SYTL1: variants seen among roughly 807,000 people sequenced by gnomAD.
SYTL1 encodes synaptotagmin-like protein 1.
SYTL1 carries 53 observed loss-of-function variants against 74.6 expected under a neutral mutation model. That is an observed-to-expected ratio of 0.71 (90% CI 0.57 to 0.89). The LOEUF is 0.89. Among genes scored for constraint, SYTL1 ranks in the 40% least tolerant of loss-of-function variants. SYTL1 has a pLI of 0.00. For missense variants in SYTL1, 728 were observed against 768.7 expected (o/e 0.95, Z 0.63); for synonymous variants, 329 against 324.9 (o/e 1.01, Z -0.14).
Position 27,347,339 on chromosome 1 carries a change from G to GGCCCCTT in SYTL1, c.192-81_192-80insCCCCTTG. On this transcript the variant is annotated intron_variant, in intron 2 of 14. Coordinates refer to ENST00000616558, the MANE Select transcript of SYTL1 (RefSeq NM_001193308.2). This position sits in a 1 kb window ranked among gnomAD's most constrained non-coding sequence, Gnocchi z 4.9. ...ATTTGCTGTTGGGTCCCTGGCCCCTGGTCCCAAGCCTGTTAACAATGTAGG... is the reference window on the plus strand; with the variant it reads ...ATTTGCTGTTGGGTCCCTGGCCCCTGGCCCCTTGTCCCAAGCCTGTTAACAATGTAGG... 6.3e-7 allele frequency: 1 copy of GGCCCCTT among 1,589,568 alleles called. No homozygotes were observed. Among genetic ancestry groups the GGCCCCTT allele is most frequent in the South Asian group, 1.1e-5 (1 of 89,326 alleles).
rs1023434369 is a variant in SYTL1, at chr1:27,350,301, G to A, written c.909-88G>A. 2.9e-5 allele frequency: 43 copies of A among 1,494,654 alleles called. No homozygotes were observed. Among genetic ancestry groups the A allele is most frequent in the Non-Finnish European group, 3.9e-5 (42 of 1,071,492 alleles). 92.6% of individuals were successfully genotyped at this position (1,494,654 alleles called of 1,614,324 possible). On this transcript the variant is annotated intron_variant, in intron 9 of 14. Transcript: ENST00000616558. The surrounding 1 kb of genome is among the most constrained non-coding windows in gnomAD (Gnocchi z 6.3). ...AAGCGCTTAGCACGAGGCCTGGCAC[G>A]TGTTCGGGATGGTGGCTGGGGGAGC...
In SYTL1 at chr1:27,348,994, G is replaced by A. The variant is rs2015118760; in HGVS notation, c.460-86G>A. On this transcript the variant is annotated intron_variant, in intron 5 of 14. Coordinates refer to ENST00000616558, the MANE Select transcript of SYTL1 (RefSeq NM_001193308.2). This position sits in a 1 kb window ranked among gnomAD's most constrained non-coding sequence, Gnocchi z 4.1. ...CCTGAAACTGGGGTAGCTGGCTGGA[G>A]CCCTATGACCTCTGACCCCAATATG... is the stretch of plus-strand genomic sequence containing the variant. The A allele has an allele frequency of 3.8e-6, 4 of 1,049,314 alleles. No individual in the cohort carries two copies. The Admixed American group carries it at 9.0e-5, about 24-fold the overall frequency. 65.0% of individuals were successfully genotyped at this position (1,049,314 alleles called of 1,614,324 possible).
rs1026405934 is a variant in SYTL1, at chr1:27,347,657, C to T, written c.340+88C>T. On this transcript the variant is annotated intron_variant, in intron 3 of 14. Coordinates refer to ENST00000616558, the MANE Select transcript of SYTL1 (RefSeq NM_001193308.2). The surrounding 1 kb of genome is among the most constrained non-coding windows in gnomAD (Gnocchi z 4.9). ...ACAGGGAGAGAGGACCACTAGGGCTCCAGTCCTGGCTGCCCCCAGTACTGT... is the reference window on the plus strand; with the variant it reads ...ACAGGGAGAGAGGACCACTAGGGCTTCAGTCCTGGCTGCCCCCAGTACTGT... 1 of 1,553,342 alleles carries T rather than the reference C, an allele frequency of 6.4e-7. No individual in the cohort carries two copies. The highest frequency in any genetic ancestry group is 8.7e-7 in the Non-Finnish European group (1 of 1,143,732).
At position 27,353,287 on chromosome 1, in the gene SYTL1, G is replaced by T; in HGVS notation, c.1348G>T (p.Val450Leu). 1 of 1,589,964 alleles carries T rather than the reference G, an allele frequency of 6.3e-7. No individual in the cohort carries two copies. The highest frequency in any genetic ancestry group is 8.6e-7 in the Non-Finnish European group (1 of 1,168,554). Residue 450 changes from valine to leucine, a missense_variant, in exon 14 of 15, where the codon GTG (valine) becomes TTG (leucine). Physicochemically the swap from Val to Leu is conservative, Grantham distance 32 (BLOSUM62 1). Coordinates refer to ENST00000616558, the MANE Select transcript of SYTL1 (RefSeq NM_001193308.2). ...GSLDTYVQCF[V>L]LPDDSQASRQ... ...GCCAGGCCACCTCCCGCACAGCTTC[G>T]TGCTGCCTGATGACAGCCAGGCCAG...
Position 27,349,962 on chromosome 1 carries a change from C to A in SYTL1, c.748-10C>A. On this transcript the variant is annotated splice_polypyrimidine_tract_variant and intron_variant, in intron 8 of 14. Transcript: ENST00000616558. ...GAGCGGCCCTGACTCCCACCCACTC[C>A]CGTCCGCAGCTGAGCGGCAGCCAGA... 1.3e-6 allele frequency: 2 copies of A among 1,571,614 alleles called. No homozygotes were observed. The highest frequency in any genetic ancestry group is 2.3e-5 in the East Asian group (1 of 42,596).
In SYTL1 at chr1:27,350,758, A is replaced by G; in HGVS notation, c.1006-36A>G. 1 of 1,606,314 alleles carries G rather than the reference A, an allele frequency of 6.2e-7. No individual in the cohort carries two copies. The highest frequency in any genetic ancestry group is 8.5e-7 in the Non-Finnish European group (1 of 1,174,340). On this transcript the variant is annotated intron_variant, in intron 10 of 14. Transcript: ENST00000616558. This position sits in a 1 kb window ranked among gnomAD's most constrained non-coding sequence, Gnocchi z 6.3. ...TCGCGCAGCATCTACGCGGGCCACC[A>G]GCAGTGCTCCACTAAAGCTCACCTC... is the stretch of plus-strand genomic sequence containing the variant.
chr1:27,347,521 G>C lies in SYTL1; in HGVS notation c.292G>C (p.Gly98Arg), dbSNP rs776634273. The C allele has an allele frequency of 4.3e-6, 7 of 1,613,950 alleles. No individual in the cohort carries two copies. Among genetic ancestry groups the C allele is most frequent in the African/African-American group, 2.7e-5 (2 of 74,930 alleles). ...CCAGCGGCACCACAATGCCCACTTC[G>C]GCTCTGACCTTGTCCGAGCGTCTAT... ...RSQRHHNAHF[G>R]SDLVRASMRR... The change falls in exon 3 of 15, where the codon GGC becomes CGC. Residue 98 changes from glycine (G) to arginine (R), a missense_variant. Coordinates refer to ENST00000616558, the MANE Select transcript of SYTL1 (RefSeq NM_001193308.2). The surrounding 1 kb of genome is among the most constrained non-coding windows in gnomAD (Gnocchi z 4.9).
rs1440855914 is a variant in SYTL1, at chr1:27,350,957, G to A, written c.1164+5G>A. ...TGGCTCCCCCTGCAGCCCCGGGTGA[G>A]GCAGCCAGGCCGCGTGGGGAGACCT... On this transcript the variant is annotated splice_donor_5th_base_variant and intron_variant, in intron 11 of 14. Coordinates refer to ENST00000616558, the MANE Select transcript of SYTL1 (RefSeq NM_001193308.2). This position sits in a 1 kb window ranked among gnomAD's most constrained non-coding sequence, Gnocchi z 6.3. 4 of 1,612,542 alleles carry A rather than the reference G, an allele frequency of 2.5e-6. No individual in the cohort carries two copies. In the African/African-American group the frequency reaches 5.3e-5, roughly 22 times the overall value.
chr1:27,350,218 C>A lies in SYTL1; in HGVS notation c.908+86C>A. The A allele has an allele frequency of 6.7e-7, 1 of 1,483,694 alleles. No homozygotes were observed. Among genetic ancestry groups the A allele is most frequent in the Non-Finnish European group, 9.1e-7 (1 of 1,096,168 alleles). The allele number at this position is 1,483,694 out of a possible 1,614,324, so 91.9% of individuals were successfully genotyped here. On this transcript the variant is annotated intron_variant, in intron 9 of 14. Coordinates refer to ENST00000616558, the MANE Select transcript of SYTL1 (RefSeq NM_001193308.2). This position sits in a 1 kb window ranked among gnomAD's most constrained non-coding sequence, Gnocchi z 6.3. Reference sequence around the variant, plus strand: ...GTCTCGGCCTCCTCGTCCTCATCTTCAAAATGGGAACAACAGCGTTATTGG... The same window carrying A: ...GTCTCGGCCTCCTCGTCCTCATCTTAAAAATGGGAACAACAGCGTTATTGG...
Position 27,351,059 on chromosome 1 carries a change from C to A in SYTL1, c.1164+107C>A. 1 of 1,417,946 alleles carries A rather than the reference C, an allele frequency of 7.1e-7. No homozygotes were observed. The highest frequency in any genetic ancestry group is 1.3e-5 in the South Asian group (1 of 79,260). The allele number at this position is 1,417,946 out of a possible 1,614,324, so 87.8% of individuals were successfully genotyped here. On this transcript the variant is annotated intron_variant, in intron 11 of 14. Coordinates refer to ENST00000616558, the MANE Select transcript of SYTL1 (RefSeq NM_001193308.2). This position sits in a 1 kb window ranked among gnomAD's most constrained non-coding sequence, Gnocchi z 5.0. Reference sequence around the variant, plus strand: ...ACACCCCGCCTTCGACAGAACCTCCCCTCAACCTCTTAACCTCATGGCCCC... The same window carrying A: ...ACACCCCGCCTTCGACAGAACCTCCACTCAACCTCTTAACCTCATGGCCCC...
chr1:27,348,398 GCCC>G lies in SYTL1; in HGVS notation c.459+390_459+392del, dbSNP rs1226200625. On this transcript the variant is annotated intron_variant, in intron 5 of 14. Coordinates refer to ENST00000616558, the MANE Select transcript of SYTL1 (RefSeq NM_001193308.2). This position sits in a 1 kb window ranked among gnomAD's most constrained non-coding sequence, Gnocchi z 4.1. Reference sequence around the variant, plus strand: ...ACCAGCCTGGGCAACATAGCAAAATGCCCCCCATGTCTATAAAAAATAAATAAA... The same window carrying G: ...ACCAGCCTGGGCAACATAGCAAAATGCCCATGTCTATAAAAAATAAATAAA... 6.6e-6 allele frequency among the ~76,000 whole-genome samples: 1 copy of G among 151,122 alleles called. No individual in the cohort carries two copies. Among genetic ancestry groups the G allele is most frequent in the East Asian group, 1.9e-4 (1 of 5,160 alleles).
rs773965305 is a variant in SYTL1, at chr1:27,350,443, G to T, written c.963G>T (p.Val321=). The change falls in exon 10 of 15, where the codon GTG becomes GTT. Residue 321 remains valine, a synonymous_variant. Coordinates refer to ENST00000616558, the MANE Select transcript of SYTL1 (RefSeq NM_001193308.2). The surrounding 1 kb of genome is among the most constrained non-coding windows in gnomAD (Gnocchi z 6.3). ...AGCAGAGCAAGCGCAAGACGGCGGT[G>T]AAGAAACGGAATCTGAATCCGGTTT... is the stretch of plus-strand genomic sequence containing the variant. ...PDKQSKRKTA[V]KKRNLNPVFN... 1 of 1,614,074 alleles carries T rather than the reference G, an allele frequency of 6.2e-7. No homozygotes were observed. Among genetic ancestry groups the T allele is most frequent in the East Asian group, 2.2e-5 (1 of 44,856 alleles).
chr1:27,350,135 G>A lies in SYTL1; in HGVS notation c.908+3G>A. 7.2e-7 allele frequency: 1 copy of A among 1,396,560 alleles called. No homozygotes were observed. The highest frequency in any genetic ancestry group is 1.6e-5 in the South Asian group (1 of 61,570). 86.5% of individuals were successfully genotyped at this position (1,396,560 alleles called of 1,614,324 possible). On this transcript the variant is annotated splice_donor_region_variant and intron_variant, in intron 9 of 14. Transcript: ENST00000616558. The surrounding 1 kb of genome is among the most constrained non-coding windows in gnomAD (Gnocchi z 6.3). Reference sequence around the variant, plus strand: ...GCCCGGCGCCGCCGCTCGGACCCGTGAGTGCCCCGCCGGCCAAGCGGGGCG... The same window carrying A: ...GCCCGGCGCCGCCGCTCGGACCCGTAAGTGCCCCGCCGGCCAAGCGGGGCG...
Position 27,347,284 on chromosome 1 carries a change from C to A in SYTL1, c.192-137C>A. On this transcript the variant is annotated intron_variant, in intron 2 of 14. Coordinates refer to ENST00000616558, the MANE Select transcript of SYTL1 (RefSeq NM_001193308.2). The surrounding 1 kb of genome is among the most constrained non-coding windows in gnomAD (Gnocchi z 4.9). ...TCTGGACTTGGTCTCCCCAGCAGCC[C>A]GAGCTCCTCCACAGCACAGATCAAG... is the stretch of plus-strand genomic sequence containing the variant. 9.0e-7 allele frequency: 1 copy of A among 1,113,406 alleles called. No individual in the cohort carries two copies. 69.0% of individuals were successfully genotyped at this position (1,113,406 alleles called of 1,614,324 possible). A position where few individuals can be genotyped will look rare whatever the true frequency, so the allele number is the denominator to read the frequency against.
chr1:27,349,934 T>A, intron 8 of SYTL1, 38 bp from the exon 9 acceptor site: 1 of 1,562,676 alleles, frequency 6.4e-7, no homozygotes, highest in Non-Finnish European at 8.6e-7. Context: ...ACGTGAGCCC[T>A]GCGAGCGGCC....
Position 27,348,988 on chromosome 1 carries a change from G to C in SYTL1, c.460-92G>C. 2 of 1,002,788 alleles carry C rather than the reference G, an allele frequency of 2.0e-6. No individual in the cohort carries two copies. Among genetic ancestry groups the C allele is most frequent in the Non-Finnish European group, 3.0e-6 (2 of 667,142 alleles). 62.1% of individuals were successfully genotyped at this position (1,002,788 alleles called of 1,614,324 possible). A position where few individuals can be genotyped will look rare whatever the true frequency, so the allele number is the denominator to read the frequency against. ...CCTAAACCTGAAACTGGGGTAGCTG[G>C]CTGGAGCCCTATGACCTCTGACCCC... On this transcript the variant is annotated intron_variant, in intron 5 of 14. Transcript: ENST00000616558. This position sits in a 1 kb window ranked among gnomAD's most constrained non-coding sequence, Gnocchi z 4.1.
chr1:27,350,601 C>T lies in SYTL1; in HGVS notation c.1005+116C>T. 9.3e-7 allele frequency: 1 copy of T among 1,075,904 alleles called. No homozygotes were observed. Among genetic ancestry groups the T allele is most frequent in the Non-Finnish European group, 1.4e-6 (1 of 738,088 alleles). 66.6% of individuals were successfully genotyped at this position (1,075,904 alleles called of 1,614,324 possible). A position where few individuals can be genotyped will look rare whatever the true frequency, so the allele number is the denominator to read the frequency against. On this transcript the variant is annotated intron_variant, in intron 10 of 14. Transcript: ENST00000616558. This position sits in a 1 kb window ranked among gnomAD's most constrained non-coding sequence, Gnocchi z 6.3. ...TTGCCCGGAGGATCGGCGGAGGGGGCCCATTAACTCGTTATCCAGTGTTGT... is the reference window on the plus strand; with the variant it reads ...TTGCCCGGAGGATCGGCGGAGGGGGTCCATTAACTCGTTATCCAGTGTTGT...
Position 27,350,186 on chromosome 1 carries a change from T to A in SYTL1, c.908+54T>A, listed in dbSNP as rs2015199750. On this transcript the variant is annotated intron_variant, in intron 9 of 14. Transcript: ENST00000616558. This position sits in a 1 kb window ranked among gnomAD's most constrained non-coding sequence, Gnocchi z 6.3. ...CGGCTGTCACAGCCCAGCCCACCATTCACAGGGTCTCGGCCTCCTCGTCCT... is the reference window on the plus strand; with the variant it reads ...CGGCTGTCACAGCCCAGCCCACCATACACAGGGTCTCGGCCTCCTCGTCCT... 7 of 1,458,800 alleles carry A rather than the reference T, an allele frequency of 4.8e-6. No individual in the cohort carries two copies. Among genetic ancestry groups the A allele is most frequent in the Non-Finnish European group, 6.4e-6 (7 of 1,099,476 alleles). 90.4% of individuals were successfully genotyped at this position (1,458,800 alleles called of 1,614,324 possible).
rs200639859 is a variant in SYTL1, at chr1:27,351,564, T to C, written c.1343+9T>C. ...GACACTTACGTACAATGGTGAGGAGTGCTGGCCCTCCGGGCTTCCCATTCT... is the reference window on the plus strand; with the variant it reads ...GACACTTACGTACAATGGTGAGGAGCGCTGGCCCTCCGGGCTTCCCATTCT... On this transcript the variant is annotated intron_variant, in intron 13 of 14. Coordinates refer to ENST00000616558, the MANE Select transcript of SYTL1 (RefSeq NM_001193308.2). The surrounding 1 kb of genome is among the most constrained non-coding windows in gnomAD (Gnocchi z 5.0). 2.7e-6 allele frequency: 4 copies of C among 1,497,782 alleles called. No individual in the cohort carries two copies. In the South Asian group the frequency reaches 3.8e-5, roughly 14 times the overall value. The allele number at this position is 1,497,782 out of a possible 1,614,324, so 92.8% of individuals were successfully genotyped here.
Sources: gnomAD v4.1 joint callset for allele counts (sites outside exome capture counted in the v4.1 genomes callset) on GRCh38, gnomAD v4.1.1 for gene constraint, Gnocchi (gnomAD v3.1) non-coding constraint, MANE v1.5 for transcripts, NCBI Gene and HGNC (gene_info 2026-07-23, HGNC 2026-07-21) for gene names.